Variants in ENPP3 observed in about 807,000 individuals in gnomAD.
The protein encoded by ENPP3 is ectonucleotide pyrophosphatase/phosphodiesterase 3.
A neutral mutation model predicts 117.8 loss-of-function variants in ENPP3; 104 were observed. The ratio of observed to expected loss-of-function variants is 0.88; its 90% CI spans 0.75 to 1.04. The LOEUF (loss-of-function observed/expected upper bound fraction) is 1.04, where lower values mean the gene tolerates loss of function less well. Among genes scored for constraint, ENPP3 ranks in the 50% least tolerant of loss-of-function variants. The pLI, the probability that ENPP3 is intolerant of heterozygous loss-of-function variation, is 0.00. For synonymous variants in ENPP3, 380 were observed against 349.9 expected (o/e 1.09, Z -0.96); for missense variants, 1,026 against 1,051.9 (o/e 0.98, Z 0.34).
chr6:131,728,878 TG>T (rs1171389026), intron 20 of ENPP3, among the ~76,000 whole-genome samples: 1 of 152,208 alleles, frequency 6.6e-6, no homozygotes, highest in Non-Finnish European at 1.5e-5. Context: ...ATTTTGCTTC[TG>T]GGCCTGTTCA....
chr6:131,720,401 C>T (rs768298413), intron 17 of ENPP3, 22 bp downstream of exon 17: 59 of 1,278,628 alleles, frequency 4.6e-5, no homozygotes, highest in Non-Finnish European at 5.4e-5. Context: ...TAAATAAGTT[C>T]GCCAACAAAA....
chr6:131,675,288 AGCC>A, intron 9 of ENPP3, 99 bp downstream of exon 9: 1 of 771,514 alleles, frequency 1.3e-6, no homozygotes. Flanking sequence ...CAGTTGTTTA[AGCC>A]AAAAATCTTG....
chr6:131,693,610 G>A lies in ENPP3; in HGVS notation c.1398G>A (p.Gln466=), dbSNP rs747418568. The stretch of plus-strand genomic sequence containing the variant: ...AAGTTCATCTCTTTGTGGATCAACA[G>A]TGGCTGGCTGTTAGGTTCGTGTATC... ...IDKVHLFVDQ[Q]WLAVRSKSNT... Residue 466 remains glutamine (Q), a synonymous_variant, in exon 15 of 25, where the codon CAG becomes CAA. Coordinates refer to ENST00000357639, the MANE Select transcript of ENPP3 (RefSeq NM_005021.5). The A allele has an allele frequency of 6.2e-7, 1 of 1,613,350 alleles. No individual in the cohort carries two copies. Among genetic ancestry groups the A allele is most frequent in the Non-Finnish European group, 8.5e-7 (1 of 1,179,696 alleles).
chr6:131,650,022 T>G lies in ENPP3; in HGVS notation c.155-5T>G. ...TGTTCGGGCCCTATTTCCTTTACTT[T>G]GTAGGCAGCTGCAGGAAGAAGTGCT... On this transcript the variant is annotated splice_region_variant and splice_polypyrimidine_tract_variant and intron_variant, in intron 2 of 24. Transcript: ENST00000357639. 1 of 1,613,860 alleles carries G rather than the reference T, an allele frequency of 6.2e-7. No individual in the cohort carries two copies. Among genetic ancestry groups the G allele is most frequent in the South Asian group, 1.1e-5 (1 of 91,076 alleles).
chr6:131,669,399 A>C (rs1416832102), intron 6 of ENPP3, among the ~76,000 whole-genome samples: 1 of 152,076 alleles, frequency 6.6e-6, no homozygotes, highest in Non-Finnish European at 1.5e-5. Context: ...TTAGCCAGGC[A>C]CAGGGGCTTA....
At chr6:131,697,617 G>A (rs993510118) in intron 15 of ENPP3, among the ~76,000 whole-genome samples, 2 of 151,892 alleles carry the variant, frequency 1.3e-5, no homozygotes, top group Admixed American at 1.3e-4. Flanking sequence ...ATGGGAGACA[G>A]TGATTGGTCA....
At chr6:131,719,554 T>C (rs2114524753) in intron 16 of ENPP3, among the ~76,000 whole-genome samples, 1 of 152,282 alleles carries the variant, frequency 6.6e-6, no homozygotes, top group African/African-American at 2.4e-5. Flanking sequence ...AGCTTTACTA[T>C]TAATTGGGGT....
At chr6:131,728,356 T>C (rs1780201935) in intron 20 of ENPP3, among the ~76,000 whole-genome samples, 2 of 152,212 alleles carry the variant, frequency 1.3e-5, no homozygotes, top group Admixed American at 6.5e-5. Context: ...TGAATTTTTA[T>C]GAGCTTTGGC....
At chr6:131,726,444 G>T (rs996629853) in intron 20 of ENPP3, among the ~76,000 whole-genome samples, 1 of 152,082 alleles carries the variant, frequency 6.6e-6, no homozygotes, top group Non-Finnish European at 1.5e-5. Context: ...TTGGCCAATT[G>T]GTAAGGCAGG....
At chr6:131,709,707 G>T (rs1322248220) in intron 15 of ENPP3, 2 of 1,613,600 alleles carry the variant, frequency 1.2e-6, no homozygotes, top group African/African-American at 1.3e-5. Flanking sequence ...CAAGATCTTT[G>T]GCTAGCTTTC....
At chr6:131,664,689 TTAGA>T (rs774989265) in intron 6 of ENPP3, among the ~76,000 whole-genome samples, 1 of 152,156 alleles carries the variant, frequency 6.6e-6, no homozygotes, top group African/African-American at 2.4e-5. Flanking sequence ...TTTTCTATAT[TTAGA>T]TAGATAGGGA....
At chr6:131,662,548 C>A (rs931116820) in intron 6 of ENPP3, among the ~76,000 whole-genome samples, 3 of 152,134 alleles carry the variant, frequency 2.0e-5, no homozygotes, top group Non-Finnish European at 4.4e-5. Context: ...GCTCCCTATT[C>A]TTTTTCATTG....
At chr6:131,740,573 A>C (rs1780507707) in intron 24 of ENPP3, among the ~76,000 whole-genome samples, 193 bp downstream of exon 24, 1 of 152,206 alleles carries the variant, frequency 6.6e-6, no homozygotes, top group Non-Finnish European at 1.5e-5. Flanking sequence ...TTAAACATAT[A>C]TCTGCATAGT....
chr6:131,664,184 C>CCTCA (rs1778567582), intron 6 of ENPP3, among the ~76,000 whole-genome samples: 1 of 151,942 alleles, frequency 6.6e-6, no homozygotes, highest in African/African-American at 2.4e-5. Context: ...TATTATTGCC[C>CCTCA]CTGAAGACCT....
intron 24 of ENPP3, among the ~76,000 whole-genome samples, chr6:131,740,721 A>G (rs1249303509): frequency 6.6e-6 from 1 of 152,134 alleles, no homozygotes; most frequent in Non-Finnish European, 1.5e-5. Flanking sequence ...TTATGAGGAT[A>G]GTGAGATGTT....
intron 15 of ENPP3, among the ~76,000 whole-genome samples, chr6:131,694,722 T>C (rs1312176362): frequency 1.3e-5 from 2 of 151,574 alleles, no homozygotes; most frequent in Non-Finnish European, 2.9e-5. Context: ...TAATCCAAGC[T>C]ACTGGAGAGG....
At chr6:131,637,539 C>A in intron 1 of ENPP3, 77 bp downstream of exon 1, 1 of 769,952 alleles carries the variant, frequency 1.3e-6, no homozygotes, top group East Asian at 2.8e-5. Flanking sequence ...ATTTACATTT[C>A]TTTGTGTTGC....
At position 131,718,649 on chromosome 6, in the gene ENPP3, G is replaced by A. The variant is rs749275769; in HGVS notation, c.1413-23G>A. The A allele has an allele frequency of 3.1e-6, 4 of 1,288,626 alleles. No homozygotes were observed. In the Admixed American group the frequency reaches 5.2e-5, roughly 17 times the overall value. 79.8% of individuals were successfully genotyped at this position (1,288,626 alleles called of 1,614,324 possible). On this transcript the variant is annotated intron_variant, in intron 15 of 24. Transcript: ENST00000357639. ...CTCATATCAATATATTGATCAGTGT[G>A]TAATAATATTTTTTCTTTATAGGAG...
Position 131,733,601 on chromosome 6 carries a change from C to T in ENPP3, c.1967C>T (p.Pro656Leu). The T allele has an allele frequency of 1.2e-6, 2 of 1,613,084 alleles. No individual in the cohort carries two copies. The highest frequency in any genetic ancestry group is 1.3e-5 in the African/African-American group (1 of 75,050). The change falls in exon 21 of 25, where the codon CCT becomes CTT. Residue 656 changes from proline to leucine, a missense_variant. By Grantham distance (98) the Pro-to-Leu change is moderately conservative. Coordinates refer to ENST00000357639, the MANE Select transcript of ENPP3 (RefSeq NM_005021.5). ...YTVPQLGDTSPLPPTVPDCLR... is the reference protein window; with the variant it reads ...YTVPQLGDTSLLPPTVPDCLR... ...CTCTTTGAACAGGGAGACACATCGC[C>T]TCTGCCTCCCACTGTCCCAGACTGT...
Sources: gnomAD v4.1 joint callset for allele counts (sites outside exome capture counted in the v4.1 genomes callset) on GRCh38, gnomAD v4.1.1 for gene constraint, MANE v1.5 for transcripts, NCBI Gene and HGNC (gene_info 2026-07-23, HGNC 2026-07-21) for gene names.